Variants in MORC1 observed in about 807,000 individuals in gnomAD.
MORC1 encodes MORC family CW-type zinc finger 1, also known as MORC family CW-type zinc finger protein 1.
A neutral mutation model predicts 134.9 loss-of-function variants in MORC1; 59 were observed. The observed-to-expected ratio is 0.44, with a 90% confidence interval of 0.35 to 0.54. The LOEUF (loss-of-function observed/expected upper bound fraction) is 0.54, where lower values mean the gene tolerates loss of function less well. Among genes scored for constraint, MORC1 ranks in the 20% least tolerant of loss-of-function variants. The pLI is 0.00. For missense variants in MORC1, 947 were observed against 1,134.5 expected (o/e 0.83, Z 2.37); for synonymous variants, 395 against 391.7 (o/e 1.01, Z -0.10).
intron 8 of MORC1, among the ~76,000 whole-genome samples, chr3:109,086,024 T>C (rs1470394374): frequency 1.3e-5 from 2 of 152,104 alleles, no homozygotes; most frequent in Non-Finnish European, 2.9e-5. Flanking sequence ...CTCATTCATA[T>C]GTAGGAGCTT....
intron 22 of MORC1, among the ~76,000 whole-genome samples, chr3:108,985,516 TAG>T (rs1947872945): frequency 6.6e-6 from 1 of 152,208 alleles, no homozygotes; most frequent in African/African-American, 2.4e-5. Flanking sequence ...AGCAAAGTTC[TAG>T]ATGGTGGGTA....
chr3:109,057,654 C>T (rs1287894769), intron 12 of MORC1, among the ~76,000 whole-genome samples, 168 bp from the exon 13 acceptor site: 3 of 152,032 alleles, frequency 2.0e-5, no homozygotes, highest in African/African-American at 7.3e-5. Flanking sequence ...AAGTATTCTG[C>T]ATAAACGTGA....
At chr3:109,045,731 G>A (rs1472802376) in intron 14 of MORC1, among the ~76,000 whole-genome samples, 2 of 152,136 alleles carry the variant, frequency 1.3e-5, no homozygotes, top group Non-Finnish European at 2.9e-5. Flanking sequence ...GGTTGTGCTA[G>A]TCTCATGTTA....
At chr3:109,005,417 C>A (rs1158724291) in intron 18 of MORC1, 102 bp from the exon 19 acceptor site, 7 of 1,123,586 alleles carry the variant, frequency 6.2e-6, no homozygotes, top group African/African-American at 4.9e-5. Flanking sequence ...TTTCTTATTA[C>A]TACTAAAAAG....
intron 24 of MORC1, among the ~76,000 whole-genome samples, chr3:108,974,921 T>C (rs1947507458): frequency 6.6e-6 from 1 of 152,122 alleles, no homozygotes; most frequent in Non-Finnish European, 1.5e-5. Flanking sequence ...TTTTAGAGAG[T>C]TTAGTTAAGT....
intron 21 of MORC1, among the ~76,000 whole-genome samples, chr3:108,992,536 C>T (rs1432280099): frequency 6.6e-6 from 1 of 152,142 alleles, no homozygotes; most frequent in Non-Finnish European, 1.5e-5. Context: ...TGGATTCTTA[C>T]TTGATCCTTC....
At chr3:108,961,047 T>C (rs2107344448) in intron 27 of MORC1, among the ~76,000 whole-genome samples, 1 of 152,340 alleles carries the variant, frequency 6.6e-6, no homozygotes, top group Non-Finnish European at 1.5e-5. Context: ...CCTTGAATGT[T>C]CCCTCTTGGC....
intron 8 of MORC1, among the ~76,000 whole-genome samples, chr3:109,086,835 T>C (rs1950624188): frequency 1.3e-5 from 2 of 152,100 alleles, no homozygotes; most frequent in African/African-American, 2.4e-5. Flanking sequence ...GGATGAAAGA[T>C]ACATGGGAAT....
intron 17 of MORC1, among the ~76,000 whole-genome samples, chr3:109,023,548 T>C (rs1275203854): frequency 2.6e-5 from 4 of 152,172 alleles, no homozygotes; most frequent in Admixed American, 6.5e-5. Context: ...ATTGAGGGTA[T>C]TAAGTGGATT....
chr3:109,039,994 C>T (rs926055091), intron 14 of MORC1, among the ~76,000 whole-genome samples: 1 of 152,054 alleles, frequency 6.6e-6, no homozygotes, highest in Admixed American at 6.6e-5. Flanking sequence ...TAGGAAGTCA[C>T]TGCACGTGTC....
chr3:109,021,672 A>C (rs1948962076), intron 17 of MORC1, among the ~76,000 whole-genome samples: 2 of 152,236 alleles, frequency 1.3e-5, no homozygotes, highest in African/African-American at 4.8e-5. Flanking sequence ...ATGCTATGCC[A>C]CAATGCCAGG....
At chr3:108,973,675 C>A (rs1468247735) in intron 24 of MORC1, among the ~76,000 whole-genome samples, 4 of 147,018 alleles carry the variant, frequency 2.7e-5, no homozygotes, top group Non-Finnish European at 6.0e-5. Context: ...CAGCTCACTG[C>A]ATCCTCGGCC....
intron 23 of MORC1, among the ~76,000 whole-genome samples, chr3:108,980,809 C>G (rs1453540200): frequency 1.3e-5 from 2 of 152,102 alleles, no homozygotes; most frequent in Non-Finnish European, 1.5e-5. Context: ...TAGTCATGAT[C>G]TGGAAGAGGA....
In MORC1 at chr3:108,958,882, A is replaced by G. The variant is rs1947005987; in HGVS notation, c.*83T>C. 2.1e-6 allele frequency: 2 copies of G among 944,370 alleles called. No individual in the cohort carries two copies. Among genetic ancestry groups the G allele is most frequent in the Admixed American group, 6.0e-5 (2 of 33,132 alleles). 58.5% of individuals were successfully genotyped at this position (944,370 alleles called of 1,614,324 possible). On this transcript the variant is annotated 3_prime_UTR_variant, in exon 28 of 28. Transcript: ENST00000232603. ...TGTTAAACAGAATAGACTTTACAGT[A>G]ACAACAACAAAAAAGAAAAATTTTT...
chr3:109,043,017 T>C lies in MORC1; in HGVS notation c.1331-7549A>G, dbSNP rs182219404. On this transcript the variant is annotated intron_variant, in intron 14 of 27. Coordinates refer to ENST00000232603, the MANE Select transcript of MORC1 (RefSeq NM_014429.4). ...GATCTATTGTACATCATTGTGACTATAATTAATAACAATATGTTATGTACT... is the reference window on the plus strand; with the variant it reads ...GATCTATTGTACATCATTGTGACTACAATTAATAACAATATGTTATGTACT... Among the ~76,000 whole-genome samples the C allele has an allele frequency of 2.6e-3, 397 of 152,230 alleles. 1 individual carries two copies. Among genetic ancestry groups the C allele is most frequent in the African/African-American group, 8.4e-3 (351 of 41,554 alleles).
intron 24 of MORC1, among the ~76,000 whole-genome samples, chr3:108,973,140 T>C (rs1408259178): frequency 2.0e-5 from 3 of 152,210 alleles, no homozygotes; most frequent in African/African-American, 7.2e-5. Flanking sequence ...CCTTTTGCCA[T>C]TTTGCATTTT....
At chr3:109,050,348 C>T (rs2107657792) in intron 14 of MORC1, among the ~76,000 whole-genome samples, 1 of 152,288 alleles carries the variant, frequency 6.6e-6, no homozygotes, top group East Asian at 1.9e-4. Flanking sequence ...GAGTTCAAGG[C>T]ACAGCCAGAT....
chr3:109,073,765 T>G (rs1950367440), intron 8 of MORC1, among the ~76,000 whole-genome samples: 1 of 152,216 alleles, frequency 6.6e-6, no homozygotes, highest in South Asian at 2.1e-4. Flanking sequence ...TTTTTGAAGT[T>G]GAAATTAACA....
At chr3:109,021,167 G>A (rs1396925936) in intron 17 of MORC1, among the ~76,000 whole-genome samples, 1 of 152,188 alleles carries the variant, frequency 6.6e-6, no homozygotes, top group African/African-American at 2.4e-5. Flanking sequence ...TCAGGGAACA[G>A]GCCCTGAGGT....
Sources: gnomAD v4.1 joint callset for allele counts (sites outside exome capture counted in the v4.1 genomes callset) on GRCh38, gnomAD v4.1.1 for gene constraint, MANE v1.5 for transcripts, NCBI Gene and HGNC (gene_info 2026-07-23, HGNC 2026-07-21) for gene names.